Variants in ANO3 observed in about 807,000 individuals in gnomAD.
ANO3 encodes the protein anoctamin-3.
ANO3 carries 99 observed loss-of-function variants against 144.8 expected under a neutral mutation model. The ratio of observed to expected loss-of-function variants is 0.68; its 90% CI spans 0.58 to 0.81. The LOEUF is 0.81. ANO3 is among the 30% of genes least tolerant of loss of function. The probability of loss-of-function intolerance (pLI) is 0.00; values close to 1 mark genes in which losing one functional copy is unlikely to be tolerated. For synonymous variants in ANO3, 414 were observed against 392.6 expected (o/e 1.05, Z -0.64); for missense variants, 905 against 1,202.2 (o/e 0.75, Z 3.66).
rs1252564117 is a variant in ANO3 at position 26,254,256 on chromosome 11, A to C, written c.155-55389A>C. On this transcript the variant is annotated intron_variant, in intron 1 of 27. Coordinates refer to the ANO3 transcript ENST00000672621. ...GCCCCAATTCAACCCATTTCTTTGG[A>C]TCAGAGAGCCTAAATAGTTTAGGAG... Among the ~76,000 whole-genome samples the C allele has an allele frequency of 2.0e-5, 3 of 152,138 alleles. No individual in the cohort carries two copies. The East Asian group carries it at 5.8e-4, about 29-fold the overall frequency.
intron 9 of ANO3, among the ~76,000 whole-genome samples, chr11:26,535,743 C>T (rs1417395953): frequency 2.6e-5 from 4 of 151,488 alleles, no homozygotes; most frequent in East Asian, 3.9e-4. Flanking sequence ...CCACCACGCC[C>T]GGCTAATTTT....
At chr11:26,207,304 G>A (rs1851817982) in intron 1 of ANO3, among the ~76,000 whole-genome samples, 1 of 152,172 alleles carries the variant, frequency 6.6e-6, no homozygotes, top group South Asian at 2.1e-4. Flanking sequence ...TAAATGCATA[G>A]TTAATATTCT....
intron 1 of ANO3, among the ~76,000 whole-genome samples, chr11:26,313,528 T>C (rs1475589114): frequency 3.3e-5 from 5 of 151,740 alleles, no homozygotes; most frequent in Non-Finnish European, 5.9e-5. Context: ...CTACTAAAAA[T>C]ACAAAAAAAT....
At chr11:26,197,442 A>T (rs1227555416) in intron 1 of ANO3, among the ~76,000 whole-genome samples, 1 of 151,998 alleles carries the variant, frequency 6.6e-6, no homozygotes, top group Admixed American at 6.6e-5. Context: ...TCCACCTCCC[A>T]GGTTCAAGTG....
chr11:26,380,840 G>GCTAC (rs1443329109), intron 1 of ANO3, among the ~76,000 whole-genome samples: 2 of 152,056 alleles, frequency 1.3e-5, no homozygotes, highest in Non-Finnish European at 2.9e-5. Flanking sequence ...AAATTAGCCG[G>GCTAC]TTGTGGTGGT....
At chr11:26,366,805 G>T (rs12294437) in intron 1 of ANO3, among the ~76,000 whole-genome samples, 4,259 of 142,212 alleles carry the variant, frequency 0.03, 118 homozygotes, top group African/African-American at 0.073. Flanking sequence ...CATATCCTTT[G>T]CCCACTTTTT....
At chr11:26,469,040 C>T (rs1314413963) in intron 4 of ANO3, among the ~76,000 whole-genome samples, 1 of 151,912 alleles carries the variant, frequency 6.6e-6, no homozygotes, top group Non-Finnish European at 1.5e-5. Context: ...ATTAAGAAGT[C>T]TCCTTTTCAA....
At chr11:26,558,356 G>A (rs1850150978) in intron 13 of ANO3, among the ~76,000 whole-genome samples, 1 of 152,014 alleles carries the variant, frequency 6.6e-6, no homozygotes, top group Admixed American at 6.6e-5. Context: ...CCTGTATGAT[G>A]TTGGTTTACA....
chr11:26,314,734 C>A (rs926876073), intron 1 of ANO3, among the ~76,000 whole-genome samples: 1 of 152,112 alleles, frequency 6.6e-6, no homozygotes, highest in Non-Finnish European at 1.5e-5. Flanking sequence ...GCTCAGGAAA[C>A]ATAATAAATA....
At chr11:26,485,207 A>G (rs1860395515) in intron 4 of ANO3, among the ~76,000 whole-genome samples, 1 of 152,182 alleles carries the variant, frequency 6.6e-6, no homozygotes, top group Non-Finnish European at 1.5e-5. Flanking sequence ...GGCCAGGGGC[A>G]GAATGATATG....
At chr11:26,341,678 G>A (rs1449151820) in intron 1 of ANO3, among the ~76,000 whole-genome samples, 6 of 152,166 alleles carry the variant, frequency 3.9e-5, no homozygotes, top group Admixed American at 1.3e-4. Context: ...ATGATAGGCC[G>A]TCTGCAAGTT....
chr11:26,578,014 T>G (rs961386213), intron 14 of ANO3, among the ~76,000 whole-genome samples: 1 of 152,182 alleles, frequency 6.6e-6, no homozygotes, highest in Non-Finnish European at 1.5e-5. Flanking sequence ...CTGCTACTAT[T>G]GATCAAAAGT....
chr11:26,466,827 T>C (rs1434974109), intron 4 of ANO3, among the ~76,000 whole-genome samples: 2 of 151,938 alleles, frequency 1.3e-5, no homozygotes, highest in Non-Finnish European at 1.5e-5. Flanking sequence ...GAATAACACA[T>C]TGGCTAATAC....
chr11:26,583,920 A>T (rs762168321), intron 14 of ANO3, among the ~76,000 whole-genome samples: 2 of 152,178 alleles, frequency 1.3e-5, no homozygotes, highest in Non-Finnish European at 2.9e-5. Context: ...TGATGAAAAC[A>T]ATGCTTGGAG....
At chr11:26,316,922 G>T (rs1272936482) in intron 1 of ANO3, among the ~76,000 whole-genome samples, 1 of 152,134 alleles carries the variant, frequency 6.6e-6, no homozygotes, top group African/African-American at 2.4e-5. Context: ...ATGCAACTTT[G>T]TATTTACAAT....
upstream of ANO3, chr11:26,332,126 G>T: frequency 3.3e-6 from 5 of 1,503,110 alleles, no homozygotes; most frequent in Non-Finnish European, 4.4e-6. Flanking sequence ...CGGGCGCGTA[G>T]CCTGGAGAGC....
intron 1 of ANO3, among the ~76,000 whole-genome samples, chr11:26,387,226 C>T (rs1856760023): frequency 6.6e-6 from 1 of 151,062 alleles, no homozygotes; most frequent in Non-Finnish European, 1.5e-5. Context: ...TCCACCTCAG[C>T]CTCCTAAAGT....
At chr11:26,512,327 A>G (rs893316333) in intron 5 of ANO3, among the ~76,000 whole-genome samples, 1 of 152,198 alleles carries the variant, frequency 6.6e-6, no homozygotes, top group Non-Finnish European at 1.5e-5. Context: ...TTAAATAATA[A>G]TGTGAAGTGT....
At chr11:26,366,268 G>A (rs971536233) in intron 1 of ANO3, among the ~76,000 whole-genome samples, 20 of 152,166 alleles carry the variant, frequency 1.3e-4, no homozygotes, top group African/African-American at 4.8e-4. Flanking sequence ...CCTTGCGATA[G>A]TTGGCTGAGA....
Sources: gnomAD v4.1 joint callset for allele counts (sites outside exome capture counted in the v4.1 genomes callset) on GRCh38, gnomAD v4.1.1 for gene constraint, MANE v1.5 for transcripts, NCBI Gene and HGNC (gene_info 2026-07-23, HGNC 2026-07-21) for gene names.